Variants in CTC1 observed in about 807,000 individuals in gnomAD.
CTC1 encodes CST telomere replication complex component 1.
In CTC1, 91 loss-of-function variants were observed where a neutral mutation model predicts 136.3. That is an observed-to-expected ratio of 0.67 (90% confidence interval 0.56 to 0.79). The LOEUF is 0.79. Ranked by LOEUF, CTC1 falls within the 30% of genes least tolerant of loss-of-function variation. The probability of loss-of-function intolerance (pLI) is 0.00; values close to 1 mark genes in which losing one functional copy is unlikely to be tolerated. For synonymous variants in CTC1, 606 were observed against 613.8 expected (o/e 0.99, Z 0.19); for missense variants, 1,432 against 1,498.1 (o/e 0.96, Z 0.73).
intron 1 of CTC1, among the ~76,000 whole-genome samples, chr17:8,244,279 G>A (rs1397893486): frequency 2.0e-5 from 3 of 152,122 alleles, no homozygotes; most frequent in African/African-American, 7.2e-5. Context: ...CTAAGGTGTG[G>A]GCTTCCTGAG....
intron 7 of CTC1, 48 bp downstream of exon 7, chr17:8,235,783 G>A (rs973014070): frequency 3.2e-5 from 50 of 1,540,638 alleles, no homozygotes; most frequent in Non-Finnish European, 4.4e-5. Flanking sequence ...ATGAAGGTAA[G>A]AGAAGCTGCA....
rs761054711 is a variant in CTC1 at position 8,229,453 on chromosome 17, A to G, written c.3012-7T>C. ...GATGTGGGGCAGGGGAATGCTAAATAAATACAGGGAGACAGAGACAGGGGT... is the reference window on the plus strand; with the variant it reads ...GATGTGGGGCAGGGGAATGCTAAATGAATACAGGGAGACAGAGACAGGGGT... On this transcript the variant is annotated splice_polypyrimidine_tract_variant and splice_region_variant and intron_variant, in intron 18 of 22. Transcript: ENST00000651323. 1.9e-6 allele frequency: 3 copies of G among 1,611,338 alleles called. No homozygotes were observed. The highest frequency in any genetic ancestry group is 2.5e-6 in the Non-Finnish European group (3 of 1,177,716).
At chr17:8,236,966 G>A (rs1021795109) in intron 5 of CTC1, among the ~76,000 whole-genome samples, 1 of 150,512 alleles carries the variant, frequency 6.6e-6, no homozygotes, top group Non-Finnish European at 1.5e-5. Context: ...TGTACCTCAT[G>A]AGTCTAAAAG....
rs1986856730 is a variant in CTC1 at position 8,227,874 on chromosome 17, G to T, written c.*306C>A. 2 of 289,374 alleles carry T rather than the reference G, an allele frequency of 6.9e-6. No individual in the cohort carries two copies. The highest frequency in any genetic ancestry group is 1.3e-5 in the Non-Finnish European group (2 of 150,230). 17.9% of individuals were successfully genotyped at this position (289,374 alleles called of 1,614,324 possible). ...ATAGGCCTGTCACCATCACCCCACAGCGAGCAAGTCTTTTGTTCCCTCAGC... is the reference window on the plus strand; with the variant it reads ...ATAGGCCTGTCACCATCACCCCACATCGAGCAAGTCTTTTGTTCCCTCAGC... On this transcript the variant is annotated 3_prime_UTR_variant, in exon 23 of 23. Transcript: ENST00000651323.
intron 2 of CTC1, 46 bp from the exon 3 acceptor site, chr17:8,238,675 C>T: frequency 7.1e-7 from 1 of 1,417,444 alleles, no homozygotes; most frequent in Non-Finnish European, 9.6e-7. Context: ...AGGTCCAAGC[C>T]TACTAAGGCA....
chr17:8,226,676 A>C lies in CTC1; in HGVS notation c.*1504T>G, dbSNP rs974013572. On this transcript the variant is annotated 3_prime_UTR_variant, in exon 23 of 23. Coordinates refer to ENST00000651323, the MANE Select transcript of CTC1 (RefSeq NM_025099.6). Reference sequence around the variant, plus strand: ...GGATTTCTAGTCCATCGCCTTAACCACTCGGCCACGACTACGAGGCTTAGG... The same window carrying C: ...GGATTTCTAGTCCATCGCCTTAACCCCTCGGCCACGACTACGAGGCTTAGG... 5.3e-5 allele frequency: 8 copies of C among 152,060 alleles called. No individual in the cohort carries two copies. The highest frequency in any genetic ancestry group is 1.9e-4 in the African/African-American group (8 of 41,392). 9.4% of individuals were successfully genotyped at this position (152,060 alleles called of 1,614,324 possible). A position where few individuals can be genotyped will look rare whatever the true frequency, so the allele number is the denominator to read the frequency against.
Position 8,231,912 on chromosome 17 carries a change from A to G in CTC1, c.2376T>C (p.Asn792=), listed in dbSNP as rs1206581935. ...TGGAGTCCCAGTTTACCTTCTGATC[A>G]TTGTCGTCATTTCCCTGGGGCTCGG... is the stretch of plus-strand genomic sequence containing the variant. ...GLPEPQGNDD[N]DQKVHLIFFG... is the part of the protein sequence containing the mutation. The change falls in exon 13 of 23, where the codon AAT becomes AAC. Residue 792 remains asparagine, a synonymous_variant. Transcript: ENST00000651323. 5.0e-6 allele frequency: 8 copies of G among 1,613,592 alleles called. No individual in the cohort carries two copies. Among genetic ancestry groups the G allele is most frequent in the Non-Finnish European group, 5.9e-6 (7 of 1,179,824 alleles).
intron 10 of CTC1, 119 bp downstream of exon 10, chr17:8,234,336 T>C: frequency 1.0e-6 from 1 of 962,576 alleles, no homozygotes; most frequent in Non-Finnish European, 1.6e-6. Context: ...GATGAAGTGG[T>C]CTGCTTAGAA....
At position 8,228,733 on chromosome 17, in the gene CTC1, T is replaced by G. The variant is rs772946559; in HGVS notation, c.3381A>C (p.Gln1127His). ...VVLQFAGPGA[Q>H]LESSARVDEP... The stretch of plus-strand genomic sequence containing the variant: ...CCTCCCAGCCACATTACACCTCAAG[T>G]TGGGCTCCAGGCCCTGCAAACTGCA... Residue 1127 changes from glutamine to histidine, a missense_variant, in exon 21 of 23, where the codon CAA becomes CAC. By Grantham distance (24) the Gln-to-His change is conservative. Coordinates refer to ENST00000651323, the MANE Select transcript of CTC1 (RefSeq NM_025099.6). The G allele has an allele frequency of 6.2e-7, 1 of 1,614,076 alleles. No individual in the cohort carries two copies. Among genetic ancestry groups the G allele is most frequent in the Non-Finnish European group, 8.5e-7 (1 of 1,179,978 alleles).
intron 1 of CTC1, chr17:8,247,643 G>T (rs1192324679): frequency 1.5e-5 from 3 of 204,500 alleles, no homozygotes; most frequent in South Asian, 7.2e-5. Flanking sequence ...CACGCACTTC[G>T]GGTCTCAGAC....
chr17:8,228,630 C>T lies in CTC1; in HGVS notation c.3388-1G>A, dbSNP rs1567597704. On this transcript the variant is annotated splice_acceptor_variant, in intron 21 of 22. Transcript: ENST00000651323. LOFTEE classifies it high-confidence loss of function. Reference sequence around the variant, plus strand: ...TGGGCTCGTCAACCCTGGCTGAAGACTAGAAAGAGAAGGTCAAGGTTAACT... The same window carrying T: ...TGGGCTCGTCAACCCTGGCTGAAGATTAGAAAGAGAAGGTCAAGGTTAACT... 1 of 1,614,126 alleles carries T rather than the reference C, an allele frequency of 6.2e-7. No individual in the cohort carries two copies. Among genetic ancestry groups the T allele is most frequent in the Admixed American group, 1.7e-5 (1 of 60,014 alleles).
At chr17:8,232,518 G>A in intron 11 of CTC1, 43 bp from the exon 12 acceptor site, 2 of 1,543,516 alleles carry the variant, frequency 1.3e-6, no homozygotes, top group East Asian at 4.5e-5. Context: ...AAGGAGACCT[G>A]TGGGGTGGGT....
At chr17:8,229,468 G>A in intron 18 of CTC1, 22 bp from the exon 19 acceptor site, 1 of 1,607,978 alleles carries the variant, frequency 6.2e-7, no homozygotes, top group South Asian at 1.1e-5. Context: ...CAGGGAGACA[G>A]AGACAGGGGT....
intron 7 of CTC1, 97 bp downstream of exon 7, chr17:8,235,734 A>G (rs1394366357): frequency 6.7e-6 from 9 of 1,341,000 alleles, no homozygotes; most frequent in Non-Finnish European, 9.1e-6. Context: ...TTTAATTTCT[A>G]TATTTCTATA....
Position 8,227,147 on chromosome 17 carries a change from A to C in CTC1, c.*1033T>G, listed in dbSNP as rs573278994. On this transcript the variant is annotated 3_prime_UTR_variant, in exon 23 of 23. Coordinates refer to ENST00000651323, the MANE Select transcript of CTC1 (RefSeq NM_025099.6). ...GCATAAATCCCAACATATGGGTTTA[A>C]CCACGCTCTAAAGGTCTCCCAAACA... 1.3e-5 allele frequency: 2 copies of C among 152,326 alleles called. No homozygotes were observed. The highest frequency in any genetic ancestry group is 3.9e-4 in the East Asian group (2 of 5,188). 9.4% of individuals were successfully genotyped at this position (152,326 alleles called of 1,614,324 possible). A position where few individuals can be genotyped will look rare whatever the true frequency, so the allele number is the denominator to read the frequency against.
rs2151519249 is a variant in CTC1, at chr17:8,235,057, A to G, written c.1435T>C (p.Cys479Arg). 6 of 1,613,850 alleles carry G rather than the reference A, an allele frequency of 3.7e-6. No individual in the cohort carries two copies. In the East Asian group the frequency reaches 1.3e-4, roughly 36 times the overall value. The change falls in exon 8 of 23, where the codon TGC (cysteine) becomes CGC (arginine). Residue 479 changes from cysteine (C) to arginine (R), a missense_variant. By Grantham distance (180) the Cys-to-Arg change is radical. Transcript: ENST00000651323. ...CTGGGCCCTCAGCCTCCTCACTTGC[A>G]GGCCAGCTCCTCCAGGGCCTTGGTA... ...WATKALEELA[C>R]KLCPHVLRHH...
intron 5 of CTC1, 101 bp from the exon 6 acceptor site, chr17:8,236,443 CT>C: frequency 1.6e-6 from 2 of 1,230,326 alleles, no homozygotes; most frequent in African/African-American, 3.0e-5. Flanking sequence ...GACCTGCCCT[CT>C]GTGAGTCTCA....
Position 8,236,217 on chromosome 17 carries a change from A to C in CTC1, c.918T>G (p.Arg306=). ...CACATTCTGGTTTCAGCAGCAACAG[A>C]CGGGAGGACTGACTGGTCATCCAAA... ...QHVWMTSQSS[R]LLLLKPECVQ... The change falls in exon 6 of 23, where the codon CGT becomes CGG. Residue 306 remains arginine, a synonymous_variant. Transcript: ENST00000651323. 6.2e-7 allele frequency: 1 copy of C among 1,614,182 alleles called. No homozygotes were observed. Among genetic ancestry groups the C allele is most frequent in the East Asian group, 2.2e-5 (1 of 44,888 alleles).
intron 10 of CTC1, among the ~76,000 whole-genome samples, chr17:8,234,029 G>A (rs140932856): frequency 0.013 from 2,034 of 152,150 alleles, 48 homozygotes; most frequent in African/African-American, 0.047. Context: ...CTGTTGCCCC[G>A]GCTGGAGTGC....
Sources: gnomAD v4.1 joint callset for allele counts (sites outside exome capture counted in the v4.1 genomes callset) on GRCh38, gnomAD v4.1.1 for gene constraint, MANE v1.5 for transcripts, NCBI Gene and HGNC (gene_info 2026-07-23, HGNC 2026-07-21) for gene names.